Variants in MARCOL observed in about 807,000 individuals in gnomAD.
The protein encoded by MARCOL is MARCO-like protein.
intron 1 of MARCOL, among the ~76,000 whole-genome samples, chr5:148,238,975 A>G (rs1482673528): frequency 6.6e-6 from 1 of 152,106 alleles, no homozygotes; most frequent in Non-Finnish European, 1.5e-5. Context: ...TTATAAGAAA[A>G]TGGTTTTGTG....
chr5:148,241,588 C>A (rs1432695), intron 1 of MARCOL, among the ~76,000 whole-genome samples: 117,722 of 149,584 alleles, frequency 0.79, 49,455 homozygotes, highest in Middle Eastern at 0.94. Flanking sequence ...CTTAGCTCTA[C>A]AGTGATTCCA....
intron 1 of MARCOL, among the ~76,000 whole-genome samples, chr5:148,240,068 T>G (rs569478699): frequency 6.6e-6 from 1 of 151,962 alleles, no homozygotes; most frequent in South Asian, 2.1e-4. Context: ...AATTCACCCT[T>G]AGTTTTTATT....
At position 148,242,445 on chromosome 5, in the gene MARCOL, G is replaced by A. The variant is rs1755976568; in HGVS notation, c.50-1G>A. ...TTTTTCTGGTTGTGTTATTATTCCA[G>A]CATCTTCAACCCAGATTTCAAATAC... On this transcript the variant is annotated splice_acceptor_variant, in intron 1 of 1. Coordinates refer to ENST00000638089, the MANE Select transcript of MARCOL (RefSeq NM_001363511.2). LOFTEE classifies it high-confidence loss of function. The A allele has an allele frequency of 2.5e-6, 1 of 398,012 alleles. No individual in the cohort carries two copies. Among genetic ancestry groups the A allele is most frequent in the Non-Finnish European group, 4.4e-6 (1 of 225,726 alleles). 24.7% of individuals were successfully genotyped at this position (398,012 alleles called of 1,614,324 possible). A position where few individuals can be genotyped will look rare whatever the true frequency, so the allele number is the denominator to read the frequency against.
At chr5:148,238,968 T>C (rs1755934954) in intron 1 of MARCOL, among the ~76,000 whole-genome samples, 1 of 152,102 alleles carries the variant, frequency 6.6e-6, no homozygotes, top group Non-Finnish European at 1.5e-5. Flanking sequence ...TCATAATTTA[T>C]AAGAAAATGG....
chr5:148,239,238 G>C (rs1465049685), intron 1 of MARCOL, among the ~76,000 whole-genome samples: 1 of 151,814 alleles, frequency 6.6e-6, no homozygotes, highest in Non-Finnish European at 1.5e-5. Flanking sequence ...CCTCAGTACA[G>C]TTAGGTGATT....
chr5:148,239,210 A>G (rs1755938037), intron 1 of MARCOL, among the ~76,000 whole-genome samples: 1 of 151,940 alleles, frequency 6.6e-6, no homozygotes, highest in Admixed American at 6.6e-5. Flanking sequence ...CTCTCAACTT[A>G]CTTTTCTCTA....
chr5:148,241,404 G>T (rs2113340681), intron 1 of MARCOL, among the ~76,000 whole-genome samples: 1 of 149,028 alleles, frequency 6.7e-6, no homozygotes, highest in South Asian at 2.1e-4. Flanking sequence ...AAAAACCTAT[G>T]CAGAAAACAA....
chr5:148,240,098 T>C (rs1408634515), intron 1 of MARCOL, among the ~76,000 whole-genome samples: 1 of 151,984 alleles, frequency 6.6e-6, no homozygotes, highest in Non-Finnish European at 1.5e-5. Flanking sequence ...TACTTATCCA[T>C]GTAAGAAATG....
At chr5:148,238,858 G>A (rs926543674) in intron 1 of MARCOL, among the ~76,000 whole-genome samples, 1 of 152,052 alleles carries the variant, frequency 6.6e-6, no homozygotes, top group Non-Finnish European at 1.5e-5. Context: ...AGTTTGGTGT[G>A]ACTGAAGAGA....
intron 1 of MARCOL, among the ~76,000 whole-genome samples, chr5:148,239,443 A>G (rs1158265516): frequency 1.3e-5 from 2 of 151,826 alleles, no homozygotes. Context: ...CAGACCCCCC[A>G]CTTCTTATAT....
intron 1 of MARCOL, among the ~76,000 whole-genome samples, chr5:148,240,302 T>TA: frequency 6.6e-6 from 1 of 151,928 alleles, no homozygotes; most frequent in South Asian, 2.1e-4. Context: ...ATTATATTGA[T>TA]TGTCCTTGGA....
intron 1 of MARCOL, among the ~76,000 whole-genome samples, chr5:148,239,306 G>C (rs768575262): frequency 3.3e-5 from 5 of 151,780 alleles, no homozygotes; most frequent in Non-Finnish European, 1.5e-5. Flanking sequence ...ATAAATGATA[G>C]TTAATACATT....
intron 1 of MARCOL, among the ~76,000 whole-genome samples, chr5:148,241,840 C>A (rs1242549740): frequency 6.6e-6 from 1 of 151,920 alleles, no homozygotes; most frequent in Non-Finnish European, 1.5e-5. Context: ...CATGATTGAT[C>A]CTAAGGCCTT....
chr5:148,238,885 T>A, intron 1 of MARCOL, among the ~76,000 whole-genome samples: 1 of 151,812 alleles, frequency 6.6e-6, no homozygotes, highest in South Asian at 2.1e-4. Flanking sequence ...TACAAGGGAG[T>A]AGGAAAGGCA....
chr5:148,242,177 C>G, intron 1 of MARCOL, among the ~76,000 whole-genome samples: 1 of 152,074 alleles, frequency 6.6e-6, no homozygotes, highest in East Asian at 1.9e-4. Context: ...AGTCTCAATT[C>G]AAATAATTCA....
At chr5:148,240,067 T>C (rs1755947671) in intron 1 of MARCOL, among the ~76,000 whole-genome samples, 1 of 151,978 alleles carries the variant, frequency 6.6e-6, no homozygotes, top group African/African-American at 2.4e-5. Flanking sequence ...AAATTCACCC[T>C]TAGTTTTTAT....
intron 1 of MARCOL, among the ~76,000 whole-genome samples, chr5:148,240,193 CTAAA>C (rs1018684728): frequency 1.3e-5 from 2 of 151,680 alleles, no homozygotes; most frequent in African/African-American, 4.8e-5. Flanking sequence ...AGAACACTGG[CTAAA>C]TAAATTATGA....
rs1399232539 is a variant in MARCOL at position 148,242,865 on chromosome 5, G to A, written c.469G>A (p.Val157Met). The A allele has an allele frequency of 5.0e-6, 2 of 398,964 alleles. No individual in the cohort carries two copies. Among genetic ancestry groups the A allele is most frequent in the Non-Finnish European group, 8.8e-6 (2 of 226,390 alleles). The allele number at this position is 398,964 out of a possible 1,614,324, so 24.7% of individuals were successfully genotyped here. Reference protein sequence around the residue: ...QEKPGSFSQKVMVGSSSQQGK... With the variant: ...QEKPGSFSQKMMVGSSSQQGK... ...GAAACCAGGGTCATTTAGCCAGAAA[G>A]TGATGGTGGGGTCATCTAGCCAACA... The change falls in exon 2 of 2, where the codon GTG (valine) becomes ATG (methionine). Residue 157 changes from valine to methionine, a missense_variant. Physicochemically the swap from Val to Met is conservative, Grantham distance 21. Coordinates refer to ENST00000638089, the MANE Select transcript of MARCOL (RefSeq NM_001363511.2).
Position 148,243,393 on chromosome 5 carries a change from T to G in MARCOL, c.*139T>G. 2.5e-6 allele frequency: 1 copy of G among 397,416 alleles called. No homozygotes were observed. Among genetic ancestry groups the G allele is most frequent in the South Asian group, 1.3e-4 (1 of 7,588 alleles). The allele number at this position is 397,416 out of a possible 1,614,324, so 24.6% of individuals were successfully genotyped here. A position where few individuals can be genotyped will look rare whatever the true frequency, so the allele number is the denominator to read the frequency against. On this transcript the variant is annotated 3_prime_UTR_variant, in exon 2 of 2. Transcript: ENST00000638089. Reference sequence around the variant, plus strand: ...TAGCCAACAAGGGAAGCCAGTGTCATCTAGCCAACAAGGGAAGCCAGGGGC... The same window carrying G: ...TAGCCAACAAGGGAAGCCAGTGTCAGCTAGCCAACAAGGGAAGCCAGGGGC...
Sources: gnomAD v4.1 joint callset for allele counts (sites outside exome capture counted in the v4.1 genomes callset) on GRCh38, gnomAD v4.1.1 for gene constraint, MANE v1.5 for transcripts, NCBI Gene and HGNC (gene_info 2026-07-23, HGNC 2026-07-21) for gene names.